Variants in ZFP1 observed in about 807,000 individuals in gnomAD.
The protein encoded by ZFP1 is ZFP1 zinc finger protein, also known as zinc finger protein 1 homolog.
Under a neutral mutation model 38.5 loss-of-function variants are expected in ZFP1, and 32 were observed. The ratio of observed to expected loss-of-function variants is 0.83; its 90% confidence interval spans 0.63 to 1.12. The LOEUF (loss-of-function observed/expected upper bound fraction) is 1.12. Among genes scored for constraint, ZFP1 ranks in the 50% most tolerant of loss-of-function variants. ZFP1 has a pLI of 0.00. For synonymous variants in ZFP1, 245 were observed against 168.8 expected (o/e 1.45, Z -3.50); for missense variants, 616 against 480.8 (o/e 1.28, Z -2.63).
At chr16:75,166,139 G>T (rs12923447) in intron 2 of ZFP1, among the ~76,000 whole-genome samples, 3 of 151,922 alleles carry the variant, frequency 2.0e-5, no homozygotes, top group African/African-American at 7.3e-5. Context: ...TTTAAACATC[G>T]ATGTCACAGA....
At chr16:75,153,846 C>T (rs1410580694) in intron 2 of ZFP1, among the ~76,000 whole-genome samples, 2 of 152,162 alleles carry the variant, frequency 1.3e-5, no homozygotes, top group Non-Finnish European at 2.9e-5. Flanking sequence ...CGCCTATGCA[C>T]CTCTCCCTCT....
intron 2 of ZFP1, 86 bp from the exon 3 acceptor site, chr16:75,166,684 T>C: frequency 6.3e-7 from 1 of 1,598,454 alleles, no homozygotes; most frequent in Non-Finnish European, 8.5e-7. Context: ...ATATAGATTT[T>C]CATGATGAAT....
chr16:75,131,600 T>C, the ZFP1 span, among the ~76,000 whole-genome samples: 9 of 152,092 alleles, frequency 5.9e-5, no homozygotes, highest in Admixed American at 3.3e-4. Flanking sequence ...GCTGGGTCCT[T>C]CACCCCTGCC....
At chr16:75,141,698 G>T in the ZFP1 span, among the ~76,000 whole-genome samples, 1 of 151,564 alleles carries the variant, frequency 6.6e-6, no homozygotes, top group African/African-American at 2.4e-5. Flanking sequence ...ACCAGCCTGG[G>T]CAGGATAGGG....
the ZFP1 span, among the ~76,000 whole-genome samples, chr16:75,142,985 A>G: frequency 6.6e-6 from 1 of 152,190 alleles, no homozygotes; most frequent in South Asian, 2.1e-4. Flanking sequence ...TACAGGCCTG[A>G]GCCACTGCAC....
intron 2 of ZFP1, among the ~76,000 whole-genome samples, chr16:75,166,297 G>C (rs1191508731): frequency 1.3e-5 from 2 of 152,156 alleles, no homozygotes; most frequent in Non-Finnish European, 2.9e-5. Flanking sequence ...TAGTGGTGCA[G>C]TCTTGGCTCA....
At chr16:75,124,318 C>G in the ZFP1 span, among the ~76,000 whole-genome samples, 1 of 150,432 alleles carries the variant, frequency 6.6e-6, no homozygotes, top group African/African-American at 2.4e-5. Flanking sequence ...ACCACCACTC[C>G]TGGCTAATTC....
Position 75,169,387 on chromosome 16 carries a change from A to C in ZFP1, c.277A>C (p.Asn93His). Reference protein sequence around the residue: ...GDLFGKALNLNTDFVSLRQVP... With the variant: ...GDLFGKALNLHTDFVSLRQVP... ...TCTCTTTGGAAAAGCACTTAATCTG[A>C]ACACAGACTTTGTTTCTTTAAGACA... Residue 93 changes from asparagine (N) to histidine (H), a missense_variant, in exon 4 of 4, where the codon AAC becomes CAC. By Grantham distance (68) the Asn-to-His change is moderately conservative. Transcript: ENST00000570010. 1 of 1,614,192 alleles carries C rather than the reference A, an allele frequency of 6.2e-7. No individual in the cohort carries two copies. Among genetic ancestry groups the C allele is most frequent in the South Asian group, 1.1e-5 (1 of 91,080 alleles).
intron 2 of ZFP1, among the ~76,000 whole-genome samples, chr16:75,156,296 A>G (rs959780492): frequency 6.6e-6 from 1 of 152,134 alleles, no homozygotes; most frequent in Admixed American, 6.5e-5. Context: ...TTTACTAAAA[A>G]TACAAAAAAA....
At chr16:75,124,011 T>C in the ZFP1 span, among the ~76,000 whole-genome samples, 1 of 151,576 alleles carries the variant, frequency 6.6e-6, no homozygotes, top group Admixed American at 6.6e-5. Context: ...GGAGAATCAC[T>C]TGAACCCAGG....
Position 75,170,030 on chromosome 16 carries a change from A to G in ZFP1, c.920A>G (p.Lys307Arg). The G allele has an allele frequency of 6.2e-7, 1 of 1,614,234 alleles. No individual in the cohort carries two copies. Among genetic ancestry groups the G allele is most frequent in the Non-Finnish European group, 8.5e-7 (1 of 1,180,042 alleles). Residue 307 changes from lysine to arginine, a missense_variant, in exon 4 of 4, where the codon AAG becomes AGG. Coordinates refer to ENST00000570010, the MANE Select transcript of ZFP1 (RefSeq NM_153688.4). ...AACGAATGTGCAAAAACCTTCTTTAAGAAGTCAAACCTTATCATACATCAG... is the reference window on the plus strand; with the variant it reads ...AACGAATGTGCAAAAACCTTCTTTAGGAAGTCAAACCTTATCATACATCAG... Reference protein sequence around the residue: ...ECNECAKTFFKKSNLIIHQKI... With the variant: ...ECNECAKTFFRKSNLIIHQKI...
At chr16:75,129,085 G>A in the ZFP1 span, among the ~76,000 whole-genome samples, 4 of 152,122 alleles carry the variant, frequency 2.6e-5, no homozygotes, top group Non-Finnish European at 4.4e-5. Flanking sequence ...CCACCGCGCC[G>A]GGCCAGCCAC....
chr16:75,135,014 A>G, the ZFP1 span, among the ~76,000 whole-genome samples: 1 of 151,680 alleles, frequency 6.6e-6, no homozygotes, highest in South Asian at 2.1e-4. Flanking sequence ...AGATCGTGCC[A>G]TTGCACTTCA....
chr16:75,158,584 T>C (rs2037584995), intron 2 of ZFP1, among the ~76,000 whole-genome samples: 1 of 151,710 alleles, frequency 6.6e-6, no homozygotes, highest in Non-Finnish European at 1.5e-5. Context: ...TGAGCCACCA[T>C]GCCTGGCCTA....
chr16:75,138,813 C>G, the ZFP1 span, among the ~76,000 whole-genome samples: 1 of 152,196 alleles, frequency 6.6e-6, no homozygotes, highest in Non-Finnish European at 1.5e-5. Flanking sequence ...CTTGCCGACA[C>G]CTTGCCTTTA....
chr16:75,140,098 G>A, the ZFP1 span, among the ~76,000 whole-genome samples: 4 of 152,110 alleles, frequency 2.6e-5, no homozygotes, highest in African/African-American at 4.8e-5. Context: ...GAGAAACCCC[G>A]TCTCTACTAA....
Position 75,170,882 on chromosome 16 carries a change from T to G in ZFP1, c.*548T>G, listed in dbSNP as rs1438059140. On this transcript the variant is annotated 3_prime_UTR_variant, in exon 4 of 4. Transcript: ENST00000570010. ...TAAAGTAGCATGGAACCTACGTCTTTCCCTACTGCTTGCTGGCATATATCA... is the reference window on the plus strand; with the variant it reads ...TAAAGTAGCATGGAACCTACGTCTTGCCCTACTGCTTGCTGGCATATATCA... 1 of 136,954 alleles carries G rather than the reference T, an allele frequency of 7.3e-6. No individual in the cohort carries two copies. The highest frequency in any genetic ancestry group is 2.6e-5 in the African/African-American group (1 of 38,144). The allele number at this position is 136,954 out of a possible 1,614,324, so 8.5% of individuals were successfully genotyped here.
At chr16:75,124,786 C>CAAAA in the ZFP1 span, among the ~76,000 whole-genome samples, 48 of 66,932 alleles carry the variant, frequency 7.2e-4, no homozygotes, top group South Asian at 1.5e-3. Context: ...GACTCCATCT[C>CAAAA]AAAAAAAAAA....
chr16:75,120,515 TG>T, the ZFP1 span, among the ~76,000 whole-genome samples: 12 of 151,904 alleles, frequency 7.9e-5, no homozygotes, highest in East Asian at 2.1e-3. Context: ...GGTTTTTTTT[TG>T]GGTTTTTTTT....
Sources: allele counts gnomAD v4.1 joint callset (sites outside exome capture counted in the v4.1 genomes callset), GRCh38; gene constraint gnomAD v4.1.1; transcripts MANE v1.5; gene names NCBI Gene and HGNC (gene_info 2026-07-23, HGNC 2026-07-21).